SASH1: variants seen among roughly 807,000 people sequenced by gnomAD.
SASH1 encodes the protein SAM and SH3 domain-containing protein 1.
SASH1 carries 44 observed loss-of-function variants against 125.2 expected under a neutral mutation model. The ratio of observed to expected loss-of-function variants is 0.35; its 90% CI spans 0.28 to 0.45. The LOEUF (loss-of-function observed/expected upper bound fraction) is 0.45, where lower values mean the gene tolerates loss of function less well. Ranked by LOEUF, SASH1 falls within the 20% of genes least tolerant of loss-of-function variation. SASH1 has a pLI of 1.00. For missense variants in SASH1, 1,426 were observed against 1,614.5 expected (o/e 0.88, Z 2.00); for synonymous variants, 639 against 649.1 (o/e 0.98, Z 0.24).
intron 7 of SASH1, among the ~76,000 whole-genome samples, chr6:148,486,894 C>T (rs1778869530): frequency 8.3e-6 from 1 of 120,072 alleles, no homozygotes; most frequent in Non-Finnish European, 1.7e-5. Flanking sequence ...TGCATTGTAG[C>T]CTGGGTGACA....
At chr6:148,337,507 A>T (rs12193758) in intron 1 of SASH1, among the ~76,000 whole-genome samples, 44,360 of 151,828 alleles carry the variant, frequency 0.29, 6,581 homozygotes, top group South Asian at 0.42. Flanking sequence ...TACAGGCGTG[A>T]GCCACCATGC....
the SASH1 span, among the ~76,000 whole-genome samples, chr6:148,213,235 T>G: frequency 2.0e-5 from 3 of 152,146 alleles, no homozygotes; most frequent in Non-Finnish European, 4.4e-5. Flanking sequence ...CCAATTCCTT[T>G]GCAAACTTGA....
rs375912252 is a variant in SASH1 at position 148,519,603 on chromosome 6, T to C, written c.919T>C (p.Tyr307His). ...SPVLDERSAL[Y>H]SGVHKKPLFF... The stretch of plus-strand genomic sequence containing the variant: ...GGTCCTGGATGAACGGTCCGCCCTC[T>C]ACTCTGGCGTGCACAAGAAGCCCCT... Residue 307 changes from tyrosine to histidine, a missense_variant, in exon 10 of 20, where the codon TAC becomes CAC. This residue lies in a region of SASH1 where 567 missense variants were observed against 575.6 expected (regional missense o/e 0.99). Coordinates refer to ENST00000367467, the MANE Select transcript of SASH1 (RefSeq NM_015278.5). This position sits in a 1 kb window ranked among gnomAD's most constrained non-coding sequence, Gnocchi z 4.8. 3.1e-6 allele frequency: 5 copies of C among 1,614,066 alleles called. No homozygotes were observed. The Admixed American group carries it at 6.7e-5, about 22-fold the overall frequency.
At position 148,423,470 on chromosome 6, in the gene SASH1, C is replaced by T. The variant is rs114795033; in HGVS notation, c.286-16714C>T. On this transcript the variant is annotated intron_variant, in intron 2 of 19. Transcript: ENST00000367467. ...CCACATGATTTTACAATAGCAAAGA[C>T]AACAATAATAGTGACACTTCATTAG... is the stretch of plus-strand genomic sequence containing the variant. Among the ~76,000 whole-genome samples the T allele has an allele frequency of 3.8e-3, 586 of 152,234 alleles. 7 individuals carry two copies. The highest frequency in any genetic ancestry group is 0.013 in the African/African-American group (548 of 41,532).
intron 1 of SASH1, among the ~76,000 whole-genome samples, chr6:148,381,721 T>G (rs1270304285): frequency 7.0e-6 from 1 of 143,374 alleles, no homozygotes; most frequent in Non-Finnish European, 1.5e-5. Context: ...CTCTACCTCC[T>G]GGGCTCAAGT....
chr6:148,421,177 G>GAAAGAAAGAAAGAAAGAAAA (rs1785072593), intron 2 of SASH1, among the ~76,000 whole-genome samples: 9 of 144,120 alleles, frequency 6.2e-5, no homozygotes, highest in African/African-American at 2.0e-4. Context: ...AAGAAAGAAA[G>GAAAGAAAGAAAGAAAGAAAA]AAAGAAAGAA....
chr6:148,436,320 A>G (rs1201100895), intron 2 of SASH1, among the ~76,000 whole-genome samples: 2 of 151,852 alleles, frequency 1.3e-5, no homozygotes, highest in African/African-American at 4.8e-5. Context: ...GTGAAACCCC[A>G]TCTCTACACA....
At chr6:148,417,265 C>A (rs912632236) in intron 2 of SASH1, among the ~76,000 whole-genome samples, 14 of 152,084 alleles carry the variant, frequency 9.2e-5, no homozygotes, top group African/African-American at 3.4e-4. Flanking sequence ...ACTGGGAGGG[C>A]CAGTAGATCT....
intron 2 of SASH1, among the ~76,000 whole-genome samples, chr6:148,422,495 T>G (rs1436069213): frequency 1.3e-5 from 2 of 152,180 alleles, no homozygotes; most frequent in African/African-American, 4.8e-5. Flanking sequence ...GCGAGATAAA[T>G]TTATGTTTAA....
At chr6:148,496,859 C>T (rs774293424) in intron 8 of SASH1, among the ~76,000 whole-genome samples, 47 of 149,920 alleles carry the variant, frequency 3.1e-4, no homozygotes, top group African/African-American at 9.8e-4. Flanking sequence ...GGTGACAGAG[C>T]GAGACCCTGT....
intron 2 of SASH1, among the ~76,000 whole-genome samples, chr6:148,415,896 A>G (rs2114924360): frequency 6.6e-6 from 1 of 152,370 alleles, no homozygotes; most frequent in South Asian, 2.1e-4. Context: ...TAAAGAGAGA[A>G]TTAGGGACCT....
At chr6:148,430,002 G>A (rs1255917588) in intron 2 of SASH1, among the ~76,000 whole-genome samples, 2 of 152,170 alleles carry the variant, frequency 1.3e-5, no homozygotes, top group Non-Finnish European at 2.9e-5. Flanking sequence ...CTACCCATAG[G>A]TACATTTAAT....
intron 2 of SASH1, among the ~76,000 whole-genome samples, chr6:148,398,469 G>T (rs1423815166): frequency 6.6e-6 from 1 of 152,152 alleles, no homozygotes; most frequent in Non-Finnish European, 1.5e-5. Flanking sequence ...TCAAGAAAAT[G>T]ATCAGGAAAG....
intron 1 of SASH1, among the ~76,000 whole-genome samples, chr6:148,320,623 C>G (rs530241704): frequency 6.6e-6 from 1 of 152,236 alleles, no homozygotes; most frequent in African/African-American, 2.4e-5. Context: ...CCTTCGCTTA[C>G]AGCCTACAAG....
intron 8 of SASH1, among the ~76,000 whole-genome samples, chr6:148,511,261 A>C (rs962611348): frequency 5.3e-5 from 8 of 151,808 alleles, no homozygotes; most frequent in African/African-American, 1.7e-4. Context: ...GCAGCAATAC[A>C]TTCTTGGGAT....
intron 2 of SASH1, among the ~76,000 whole-genome samples, chr6:148,391,706 A>G (rs972253624): frequency 1.3e-5 from 2 of 152,216 alleles, no homozygotes; most frequent in Admixed American, 1.3e-4. Flanking sequence ...ATTTATATGT[A>G]TACTAGTAGT....
chr6:148,304,730 A>G lies in SASH1; in HGVS notation n.74+32353A>G, dbSNP rs552884042. On this transcript the variant is annotated intron_variant and non_coding_transcript_variant, in intron 1 of 3. Coordinates refer to the SASH1 transcript ENST00000367469. ...ACAACTTCTAGAAAAGCTTATTAAA[A>G]TAACTTCTACATTCTGGCCAGGTGC... Among the ~76,000 whole-genome samples, 4 of 152,330 alleles carry G rather than the reference A, an allele frequency of 2.6e-5. No individual in the cohort carries two copies. In the South Asian group the frequency reaches 6.2e-4, roughly 24 times the overall value.
chr6:148,328,133 T>C (rs975083141), intron 1 of SASH1, among the ~76,000 whole-genome samples: 1 of 152,074 alleles, frequency 6.6e-6, no homozygotes, highest in African/African-American at 2.4e-5. Context: ...CCTTGAACGG[T>C]TGGCCTCGAG....
intron 1 of SASH1, among the ~76,000 whole-genome samples, chr6:148,288,183 A>T (rs1005158690): frequency 6.6e-6 from 1 of 152,214 alleles, no homozygotes; most frequent in Non-Finnish European, 1.5e-5. Context: ...CCTGGATTTA[A>T]TGATAACTTG....
Sources: gnomAD v4.1 joint callset for allele counts (sites outside exome capture counted in the v4.1 genomes callset) on GRCh38, gnomAD v4.1.1 for gene constraint, gnomAD v4.1.1 regional missense constraint, Gnocchi (gnomAD v3.1) non-coding constraint, MANE v1.5 for transcripts, NCBI Gene and HGNC (gene_info 2026-07-23, HGNC 2026-07-21) for gene names.